GABPB1: variants seen among roughly 807,000 people sequenced by gnomAD.
GABPB1 encodes the protein GA-binding protein subunit beta-1.
A neutral mutation model predicts 45.9 loss-of-function variants in GABPB1; 15 were observed. That is an observed-to-expected ratio of 0.33 (90% CI 0.22 to 0.50). The LOEUF is 0.50. Ranked by LOEUF, GABPB1 falls within the 20% of genes least tolerant of loss-of-function variation. The pLI is 0.98. For missense variants in GABPB1, 252 were observed against 457.5 expected, an observed-to-expected ratio of 0.55 and a Z score of 4.10; for synonymous variants, 143 against 154.4, an observed-to-expected ratio of 0.93 and a Z score of 0.55.
intron 1 of GABPB1, among the ~76,000 whole-genome samples, chr15:50,337,075 GTATATATATATATATATATA>G (rs869106382): frequency 1.5e-3 from 21 of 14,200 alleles, no homozygotes; most frequent in Non-Finnish European, 2.0e-3. Flanking sequence ...ATATGTGTGT[GTATATATATATATATATATA>G]TATATATATA....
intron 1 of GABPB1, chr15:50,352,433 C>G (rs568292924): frequency 2.0e-5 from 3 of 151,886 alleles, no homozygotes; most frequent in Admixed American, 6.6e-5. Context: ...CTCTCTGGCT[C>G]AAGCGATTCT....
Position 50,289,473 on chromosome 15 carries a change from T to C in GABPB1, c.883+10A>G, listed in dbSNP as rs2046276605. ...AACATACAAACTTTATATAAATGTCTACTACTAACCTTGTTGTCCATCTGG... is the reference window on the plus strand; with the variant it reads ...AACATACAAACTTTATATAAATGTCCACTACTAACCTTGTTGTCCATCTGG... On this transcript the variant is annotated intron_variant, in intron 7 of 8. Coordinates refer to ENST00000380877, the MANE Select transcript of GABPB1 (RefSeq NM_016654.5). 2 of 1,541,852 alleles carry C rather than the reference T, an allele frequency of 1.3e-6. No individual in the cohort carries two copies. The highest frequency in any genetic ancestry group is 1.8e-6 in the Non-Finnish European group (2 of 1,138,250).
intron 6 of GABPB1, among the ~76,000 whole-genome samples, chr15:50,291,386 T>G (rs2046336580): frequency 6.6e-6 from 1 of 151,964 alleles, no homozygotes; most frequent in Non-Finnish European, 1.5e-5. Flanking sequence ...TGGCGTGATC[T>G]CAGCTCACTG....
Position 50,301,334 on chromosome 15 carries a change from T to C in GABPB1, c.506A>G (p.Glu169Gly). The change falls in exon 5 of 9, where the codon GAG becomes GGG. Residue 169 changes from glutamate to glycine, a missense_variant. Coordinates refer to ENST00000380877, the MANE Select transcript of GABPB1 (RefSeq NM_016654.5). ...AMQNQINTNPESPDTVTIHAA... is the reference protein window; with the variant it reads ...AMQNQINTNPGSPDTVTIHAA... ...ATGTATTGTCACAGTGTCAGGACTC[T>C]CTGGGTTTGTGTTGATTTGGTTCTG... 1 of 1,613,858 alleles carries C rather than the reference T, an allele frequency of 6.2e-7. No homozygotes were observed. Among genetic ancestry groups the C allele is most frequent in the Non-Finnish European group, 8.5e-7 (1 of 1,179,904 alleles).
intron 1 of GABPB1, 190 bp downstream of exon 1, chr15:50,354,795 C>T: frequency 4.4e-6 from 1 of 228,924 alleles, no homozygotes; most frequent in Non-Finnish European, 8.8e-6. Context: ...GCGCGGGCGC[C>T]CAGGCCGACC....
At chr15:50,281,548 G>C (rs1382489451) in intron 8 of GABPB1, among the ~76,000 whole-genome samples, 1 of 152,194 alleles carries the variant, frequency 6.6e-6, no homozygotes, top group Admixed American at 6.5e-5. Flanking sequence ...GGCAGGATAT[G>C]TGAGCTATTT....
intron 3 of GABPB1, 53 bp from the exon 4 acceptor site, chr15:50,303,176 T>A (rs916855146): frequency 1.5e-6 from 2 of 1,376,886 alleles, no homozygotes; most frequent in African/African-American, 1.5e-5. Flanking sequence ...ACATAAAAAA[T>A]TCCTGATATG....
chr15:50,352,594 C>G (rs2048885598), intron 1 of GABPB1: 1 of 152,224 alleles, frequency 6.6e-6, no homozygotes, highest in South Asian at 2.1e-4. Flanking sequence ...CCTCCACCTC[C>G]CCAAGTGCTG....
chr15:50,302,131 G>A (rs1429766438), intron 4 of GABPB1, among the ~76,000 whole-genome samples: 1 of 152,148 alleles, frequency 6.6e-6, no homozygotes, highest in East Asian at 1.9e-4. Flanking sequence ...CTGAAAATAA[G>A]AGAAGTAATG....
intron 6 of GABPB1, among the ~76,000 whole-genome samples, chr15:50,291,322 ATTT>A (rs10608855): frequency 8.1e-5 from 12 of 148,380 alleles, no homozygotes; most frequent in Non-Finnish European, 9.0e-5. Context: ...TATCCATTGA[ATTT>A]TTTTTTTTTT....
intron 1 of GABPB1, among the ~76,000 whole-genome samples, chr15:50,332,717 TTC>T (rs1266735173): frequency 1.3e-5 from 2 of 152,264 alleles, no homozygotes; most frequent in Admixed American, 1.3e-4. Context: ...CATTATACTC[TTC>T]TCTTTTACAT....
chr15:50,278,439 T>G lies in GABPB1; in HGVS notation c.*193A>C. The G allele has an allele frequency of 2.5e-6, 1 of 400,894 alleles. No individual in the cohort carries two copies. The highest frequency in any genetic ancestry group is 4.3e-5 in the Admixed American group (1 of 23,526). The allele number at this position is 400,894 out of a possible 1,614,324, so 24.8% of individuals were successfully genotyped here. On this transcript the variant is annotated 3_prime_UTR_variant, in exon 9 of 9. Transcript: ENST00000380877. ...AAAAAAACTATTTACAGAATTCAGTTTTAAATACATTTCACAACTTCTAAA... is the reference window on the plus strand; with the variant it reads ...AAAAAAACTATTTACAGAATTCAGTGTTAAATACATTTCACAACTTCTAAA...
At chr15:50,285,531 C>T (rs897961670) in intron 8 of GABPB1, among the ~76,000 whole-genome samples, 1 of 152,124 alleles carries the variant, frequency 6.6e-6, no homozygotes, top group African/African-American at 2.4e-5. Context: ...AACTGGTTTA[C>T]GCTTACAAAT....
chr15:50,326,258 A>G (rs964849573), intron 1 of GABPB1, among the ~76,000 whole-genome samples: 4 of 152,170 alleles, frequency 2.6e-5, no homozygotes, highest in Non-Finnish European at 5.9e-5. Flanking sequence ...TCATGCCCAT[A>G]ATCCCAGCAT....
At chr15:50,282,736 G>C (rs930302084) in intron 8 of GABPB1, among the ~76,000 whole-genome samples, 1 of 151,954 alleles carries the variant, frequency 6.6e-6, no homozygotes. Context: ...TCTACCACCA[G>C]TTAAGGACAC....
In GABPB1 at chr15:50,292,314, CAAAAAAAAAAA is replaced by C. The variant is rs762047613; in HGVS notation, c.698-2657_698-2647del. On this transcript the variant is annotated intron_variant, in intron 6 of 8. Coordinates refer to ENST00000380877, the MANE Select transcript of GABPB1 (RefSeq NM_016654.5). ...TGGGCGACAGAGTGAGACTCCATCT[CAAAAAAAAAAA>C]AAAAAAAAAAAAGATAAATCATTGT... Among the ~76,000 whole-genome samples, 9 of 49,568 alleles carry C rather than the reference CAAAAAAAAAAA, an allele frequency of 1.8e-4. No individual in the cohort carries two copies. In the South Asian group the frequency reaches 5.9e-3, roughly 32 times the overall value. 32.5% of individuals were successfully genotyped at this position (49,568 alleles called of 152,430 possible). A position where few individuals can be genotyped will look rare whatever the true frequency, so the allele number is the denominator to read the frequency against.
At chr15:50,330,140 G>A (rs1483529871) in intron 1 of GABPB1, among the ~76,000 whole-genome samples, 1 of 152,046 alleles carries the variant, frequency 6.6e-6, no homozygotes, top group Non-Finnish European at 1.5e-5. Context: ...CGGGGCTCAA[G>A]CAATCCTCCC....
intron 1 of GABPB1, among the ~76,000 whole-genome samples, chr15:50,333,700 C>T (rs192272245): frequency 6.6e-6 from 1 of 152,110 alleles, no homozygotes. Context: ...ATATAGTAGA[C>T]ATTTCACTGT....
chr15:50,352,650 T>C (rs905262052), intron 1 of GABPB1: 1 of 152,168 alleles, frequency 6.6e-6, no homozygotes. Flanking sequence ...CAAGTGAACT[T>C]AACCAAGATC....
Sources: allele counts gnomAD v4.1 joint callset (sites outside exome capture counted in the v4.1 genomes callset), GRCh38; gene constraint gnomAD v4.1.1; transcripts MANE v1.5; gene names NCBI Gene and HGNC (gene_info 2026-07-23, HGNC 2026-07-21).